The following SPSB1 variants were observed in gnomAD, a reference collection of about 807,000 sequenced individuals.
SPSB1 encodes the protein SPRY domain-containing SOCS box protein 1.
Under a neutral mutation model 21.2 loss-of-function variants are expected in SPSB1, and 8 were observed. That is an observed-to-expected ratio of 0.38 (90% CI 0.22 to 0.68). SPSB1 has a LOEUF of 0.68. Ranked by LOEUF, SPSB1 falls within the 30% of genes least tolerant of loss-of-function variation. The pLI, the probability that SPSB1 is intolerant of heterozygous loss-of-function variation, is 0.53. For missense variants in SPSB1, 242 were observed against 377.8 expected (o/e 0.64, Z 2.98); for synonymous variants, 169 against 161.7 (o/e 1.05, Z -0.34).
Position 9,348,610 on chromosome 1 carries a change from AG to A in SPSB1, c.-149-7131del, listed in dbSNP as rs1217160361. ...TGCAGACCTGGCTGCCCCCACCTGG[AG>A]GAGCCCACGAAACTGGAGGGATTTG... On this transcript the variant is annotated intron_variant, in intron 1 of 2. Transcript: ENST00000328089. This position sits in a 1 kb window ranked among gnomAD's most constrained non-coding sequence, Gnocchi z 4.8. Among the ~76,000 whole-genome samples, 1 of 151,960 alleles carries A rather than the reference AG, an allele frequency of 6.6e-6. No homozygotes were observed. The highest frequency in any genetic ancestry group is 1.9e-4 in the East Asian group (1 of 5,168).
chr1:9,359,088 C>T (rs895121393), intron 2 of SPSB1, among the ~76,000 whole-genome samples: 7 of 152,196 alleles, frequency 4.6e-5, no homozygotes, highest in African/African-American at 1.7e-4. Context: ...ATCTAGATGG[C>T]CACTCAGAGC....
chr1:9,336,824 C>T (rs1459897548), intron 1 of SPSB1, among the ~76,000 whole-genome samples: 1 of 152,180 alleles, frequency 6.6e-6, no homozygotes, highest in Non-Finnish European at 1.5e-5. Context: ...GGGACACTAG[C>T]CCTCCATCTC....
intron 2 of SPSB1, among the ~76,000 whole-genome samples, chr1:9,359,875 G>A (rs1489379059): frequency 2.0e-5 from 3 of 151,386 alleles, no homozygotes; most frequent in Non-Finnish European, 4.4e-5. Context: ...GGGCGGCCCG[G>A]TTCCGGGACT....
chr1:9,310,660 A>C (rs1255882222), intron 1 of SPSB1, among the ~76,000 whole-genome samples: 1 of 151,988 alleles, frequency 6.6e-6, no homozygotes, highest in Non-Finnish European at 1.5e-5. Flanking sequence ...GCACCACTGC[A>C]CTACAGCCTG....
intron 1 of SPSB1, among the ~76,000 whole-genome samples, chr1:9,318,886 G>A (rs1019693302): frequency 1.3e-5 from 2 of 152,206 alleles, no homozygotes; most frequent in Admixed American, 1.3e-4. Flanking sequence ...GTGTCCTGCA[G>A]TGAGTCCTAA....
At chr1:9,323,267 C>T (rs541602895) in intron 1 of SPSB1, among the ~76,000 whole-genome samples, 6 of 152,338 alleles carry the variant, frequency 3.9e-5, no homozygotes, top group East Asian at 1.9e-4. Flanking sequence ...TTCTAGTTCC[C>T]GCCGAGCCGA....
At chr1:9,354,656 T>C (rs1243648858) in intron 1 of SPSB1, among the ~76,000 whole-genome samples, 2 of 151,832 alleles carry the variant, frequency 1.3e-5, no homozygotes, top group African/African-American at 2.4e-5. Flanking sequence ...CTACTAAAAA[T>C]ACAAAAATTA....
chr1:9,361,992 G>T (rs1384017360), intron 2 of SPSB1, among the ~76,000 whole-genome samples: 1 of 152,244 alleles, frequency 6.6e-6, no homozygotes, highest in Non-Finnish European at 1.5e-5. Context: ...CAGCATTTTC[G>T]AATTTTCTTT....
chr1:9,364,574 C>T (rs78920487), intron 2 of SPSB1, among the ~76,000 whole-genome samples: 6 of 152,174 alleles, frequency 3.9e-5, no homozygotes, highest in Non-Finnish European at 5.9e-5. Flanking sequence ...CACCCCATCA[C>T]GAGGGGTCTG....
intron 1 of SPSB1, among the ~76,000 whole-genome samples, chr1:9,342,915 C>G (rs1640113364): frequency 6.6e-6 from 1 of 152,242 alleles, no homozygotes; most frequent in Non-Finnish European, 1.5e-5. Flanking sequence ...TTGTGTAACC[C>G]TGGCTAATAA....
At chr1:9,338,753 G>A (rs773681514) in intron 1 of SPSB1, among the ~76,000 whole-genome samples, 31 of 152,176 alleles carry the variant, frequency 2.0e-4, no homozygotes, top group Admixed American at 1.3e-4. Context: ...ATATGACTTC[G>A]TGGCTGTGAA....
intron 1 of SPSB1, among the ~76,000 whole-genome samples, chr1:9,319,244 CA>C (rs1191257522): frequency 6.6e-6 from 1 of 152,022 alleles, no homozygotes; most frequent in Non-Finnish European, 1.5e-5. Context: ...GTGGGGGGAC[CA>C]GGGGGGTGGC....
At chr1:9,362,350 T>A (rs191495883) in intron 2 of SPSB1, among the ~76,000 whole-genome samples, 122 of 152,372 alleles carry the variant, frequency 8.0e-4, no homozygotes, top group African/African-American at 2.8e-3. Context: ...TCAGGCGTCC[T>A]TCCCCAGTTG....
At chr1:9,360,317 A>G (rs1003302903) in intron 2 of SPSB1, among the ~76,000 whole-genome samples, 1 of 152,128 alleles carries the variant, frequency 6.6e-6, no homozygotes, top group Non-Finnish European at 1.5e-5. Context: ...ACGGCTGAGA[A>G]CCGTCCATCA....
intron 1 of SPSB1, among the ~76,000 whole-genome samples, chr1:9,349,198 C>G (rs183917894): frequency 6.6e-6 from 1 of 152,176 alleles, no homozygotes; most frequent in Non-Finnish European, 1.5e-5. Flanking sequence ...CTCCAGGGCC[C>G]GTGGCTGCTC....
chr1:9,324,841 C>T lies in SPSB1; in HGVS notation c.-149-30902C>T, dbSNP rs1436438353. ...CCAGACAGTCGTGTTTGCGACAAGT[C>T]TGTTCGCCTGGCCGTGGAGCCAGCA... On this transcript the variant is annotated intron_variant, in intron 1 of 2. Coordinates refer to ENST00000328089, the MANE Select transcript of SPSB1 (RefSeq NM_025106.4). The surrounding 1 kb of genome is among the most constrained non-coding windows in gnomAD (Gnocchi z 4.3). Among the ~76,000 whole-genome samples the T allele has an allele frequency of 1.3e-5, 2 of 152,210 alleles. No homozygotes were observed. The highest frequency in any genetic ancestry group is 2.9e-5 in the Non-Finnish European group (2 of 68,036).
chr1:9,360,947 T>A (rs1285942753), intron 2 of SPSB1, among the ~76,000 whole-genome samples: 1 of 152,068 alleles, frequency 6.6e-6, no homozygotes, highest in Non-Finnish European at 1.5e-5. Flanking sequence ...AGCCCGGAGC[T>A]CCATCCTCTC....
At chr1:9,350,171 C>CT (rs1360739372) in intron 1 of SPSB1, among the ~76,000 whole-genome samples, 1 of 152,228 alleles carries the variant, frequency 6.6e-6, no homozygotes, top group African/African-American at 2.4e-5. Flanking sequence ...TTGAAATACC[C>CT]TCACGGCATT....
chr1:9,330,039 C>T (rs1471613562), intron 1 of SPSB1, among the ~76,000 whole-genome samples: 2 of 152,232 alleles, frequency 1.3e-5, no homozygotes, highest in Non-Finnish European at 2.9e-5. Flanking sequence ...TGACCATCTG[C>T]ATGGGTCTCT....
Sources: gnomAD v4.1 joint callset for allele counts (sites outside exome capture counted in the v4.1 genomes callset) on GRCh38, gnomAD v4.1.1 for gene constraint, Gnocchi (gnomAD v3.1) non-coding constraint, MANE v1.5 for transcripts, NCBI Gene and HGNC (gene_info 2026-07-23, HGNC 2026-07-21) for gene names.